The following MFAP3 variants were observed in gnomAD, a reference collection of about 807,000 sequenced individuals.
MFAP3 encodes microfibril associated protein 3, also known as microfibril-associated glycoprotein 3.
A neutral mutation model predicts 20.5 loss-of-function variants in MFAP3; 8 were observed. The observed-to-expected ratio is 0.39, with a 90% CI of 0.23 to 0.70. The LOEUF (loss-of-function observed/expected upper bound fraction) is 0.70, where lower values mean the gene tolerates loss of function less well. Ranked by LOEUF, MFAP3 falls within the 30% of genes least tolerant of loss-of-function variation. MFAP3 has a pLI of 0.44. For missense variants in MFAP3, 398 were observed against 444.6 expected, an observed-to-expected ratio of 0.90 and a Z score of 0.94; for synonymous variants, 140 against 154.0, an observed-to-expected ratio of 0.91 and a Z score of 0.67.
Position 154,049,657 on chromosome 5 carries a change from G to T in MFAP3, c.-66G>T, listed in dbSNP as rs757131566. 7.5e-6 allele frequency: 11 copies of T among 1,474,222 alleles called. No individual in the cohort carries two copies. The highest frequency in any genetic ancestry group is 9.2e-6 in the Non-Finnish European group (10 of 1,083,832). The allele number at this position is 1,474,222 out of a possible 1,614,324, so 91.3% of individuals were successfully genotyped here. A position where few individuals can be genotyped will look rare whatever the true frequency, so the allele number is the denominator to read the frequency against. ...TACCAAGCAATAAATTACCCGCTGT[G>T]CTTTTGTTGTAGTGTAGAAGTTTTT... On this transcript the variant is annotated 5_prime_UTR_variant, in exon 2 of 3. Coordinates refer to ENST00000522782, the MANE Select transcript of MFAP3 (RefSeq NM_005927.5).
intron 1 of MFAP3, 65 bp from the exon 2 acceptor site, chr5:154,049,492 A>G (rs1773131839): frequency 5.9e-6 from 3 of 508,944 alleles, no homozygotes; most frequent in African/African-American, 1.9e-5. Flanking sequence ...TCATTCTGGA[A>G]CATACGCACT....
Sources: allele counts gnomAD v4.1 joint callset, GRCh38; gene constraint gnomAD v4.1.1; transcripts MANE v1.5; gene names NCBI Gene and HGNC (gene_info 2026-07-23, HGNC 2026-07-21).